SH3TC2: variants seen among roughly 807,000 people sequenced by gnomAD.
SH3TC2 encodes the protein SH3 domain and tetratricopeptide repeat-containing protein 2.
SH3TC2 carries 87 observed loss-of-function variants against 124.5 expected under a neutral mutation model. That is an observed-to-expected ratio of 0.70 (90% confidence interval 0.59 to 0.84). SH3TC2 has a LOEUF of 0.84. SH3TC2 is among the 40% of genes least tolerant of loss of function. SH3TC2 has a pLI of 0.00. For missense variants in SH3TC2, 1,536 were observed against 1,566.4 expected, an observed-to-expected ratio of 0.98 and a Z score of 0.33; for synonymous variants, 634 against 628.5, an observed-to-expected ratio of 1.01 and a Z score of -0.13.
intron 8 of SH3TC2, among the ~76,000 whole-genome samples, chr5:149,036,250 A>G (rs1754281299): frequency 6.6e-6 from 1 of 152,192 alleles, no homozygotes; most frequent in South Asian, 2.1e-4. Flanking sequence ...CCCTGACTCC[A>G]CAACTCTGTA....
At chr5:149,008,470 G>A in intron 15 of SH3TC2, 1 of 312,462 alleles carries the variant, frequency 3.2e-6, no homozygotes, top group Non-Finnish European at 6.1e-6. Context: ...TGGGAACATA[G>A]CTTATGAAGA....
rs1269879813 is a variant in SH3TC2 at position 148,991,791 on chromosome 5, C to G, written c.*12920G>C. On this transcript the variant is annotated 3_prime_UTR_variant, in exon 17 of 17. Transcript: ENST00000515425. Reference sequence around the variant, plus strand: ...CCTGCCCTGAATCACTCTATACTCACAACAGAAACAGCTGGTGTCAGAGAA... The same window carrying G: ...CCTGCCCTGAATCACTCTATACTCAGAACAGAAACAGCTGGTGTCAGAGAA... Among the ~76,000 whole-genome samples, 1 of 152,208 alleles carries G rather than the reference C, an allele frequency of 6.6e-6. No homozygotes were observed. The highest frequency in any genetic ancestry group is 1.5e-5 in the Non-Finnish European group (1 of 68,046).
rs1753376940 is a variant in SH3TC2 at position 148,988,807 on chromosome 5, T to C, written c.*15904A>G. On this transcript the variant is annotated 3_prime_UTR_variant, in exon 17 of 17. Coordinates refer to ENST00000515425, the MANE Select transcript of SH3TC2 (RefSeq NM_024577.4). ...ATAAGCTGTTTTAAATCAGAAACTTTTGGGGTGGTTTGTTATGTCACTTGT... is the reference window on the plus strand; with the variant it reads ...ATAAGCTGTTTTAAATCAGAAACTTCTGGGGTGGTTTGTTATGTCACTTGT... 6.6e-6 allele frequency among the ~76,000 whole-genome samples: 1 copy of C among 152,190 alleles called. No individual in the cohort carries two copies. Among genetic ancestry groups the C allele is most frequent in the African/African-American group, 2.4e-5 (1 of 41,444 alleles).
In SH3TC2 at chr5:149,031,678, G is replaced by A. The variant is rs1754196051; in HGVS notation, c.1011C>T (p.Asn337=). 6.2e-7 allele frequency: 1 copy of A among 1,614,114 alleles called. No individual in the cohort carries two copies. The highest frequency in any genetic ancestry group is 8.5e-7 in the Non-Finnish European group (1 of 1,180,026). ...DPDSYSPMSR[N]SAFLSDEERC... is the part of the protein sequence containing the mutation. ...TCTCCTCATCACTGAGAAAGGCAGA[G>A]TTCCTGCTCCTGCATCGGGGCAAAA... The change falls in exon 9 of 17, where the codon AAC becomes AAT. Residue 337 remains asparagine (N), a synonymous_variant. Transcript: ENST00000515425.
intron 7 of SH3TC2, among the ~76,000 whole-genome samples, chr5:149,038,802 G>A (rs958473007): frequency 2.6e-5 from 4 of 152,180 alleles, no homozygotes; most frequent in African/African-American, 4.8e-5. Context: ...TAGCTTATGG[G>A]AAACTGGAAA....
At chr5:149,031,429 G>T in intron 9 of SH3TC2, 125 bp downstream of exon 9, 1 of 1,266,966 alleles carries the variant, frequency 7.9e-7, no homozygotes, top group Non-Finnish European at 1.1e-6. Context: ...CAACAGAATA[G>T]TGGTCATGGC....
intron 8 of SH3TC2, among the ~76,000 whole-genome samples, chr5:149,034,702 T>G (rs1484589633): frequency 6.6e-6 from 1 of 151,730 alleles, no homozygotes; most frequent in Non-Finnish European, 1.5e-5. Context: ...ATTAATGAAA[T>G]AAAAACAAAG....
chr5:149,028,371 A>G lies in SH3TC2; in HGVS notation c.1361T>C (p.Met454Thr). Residue 454 changes from methionine (M) to threonine (T), a missense_variant, in exon 11 of 17, where the codon ATG (methionine) becomes ACG (threonine). Physicochemically the swap from Met to Thr is moderately conservative, Grantham distance 81 (BLOSUM62 -1). Transcript: ENST00000515425. ...PDDLDDPELL[M>T]DLSTGQEEEA... ...CTCCTCCTGACCAGTGCTTAGGTCC[A>G]TGAGCAGTTCCGGGTCATCAAGGTC... 1 of 1,614,194 alleles carries G rather than the reference A, an allele frequency of 6.2e-7. No homozygotes were observed. The highest frequency in any genetic ancestry group is 8.5e-7 in the Non-Finnish European group (1 of 1,180,038).
chr5:149,026,451 C>G, intron 12 of SH3TC2, 121 bp downstream of exon 12: 1 of 1,226,052 alleles, frequency 8.2e-7, no homozygotes, highest in South Asian at 1.3e-5. Context: ...AGAGCCCTTG[C>G]TCTTTTGCAC....
intron 15 of SH3TC2, chr5:149,008,229 A>T (rs1265246949): frequency 6.3e-6 from 1 of 159,214 alleles, no homozygotes; most frequent in Non-Finnish European, 1.4e-5. Flanking sequence ...TTTTCTTCAA[A>T]CACCAACATT....
At chr5:149,052,286 T>G in intron 1 of SH3TC2, 46 bp from the exon 2 acceptor site, 1 of 1,438,762 alleles carries the variant, frequency 7.0e-7, no homozygotes, top group Non-Finnish European at 9.8e-7. Context: ...GTAAGGAAGT[T>G]GAAAGCAAGT....
intron 12 of SH3TC2, among the ~76,000 whole-genome samples, chr5:149,023,348 AAT>A (rs1160701636): frequency 6.6e-6 from 1 of 152,196 alleles, no homozygotes; most frequent in Non-Finnish European, 1.5e-5. Context: ...TATATTATGT[AAT>A]AGACATTTTA....
At chr5:149,020,004 C>A (rs1753941079) in intron 12 of SH3TC2, among the ~76,000 whole-genome samples, 1 of 152,094 alleles carries the variant, frequency 6.6e-6, no homozygotes. Flanking sequence ...TCACTCAGCG[C>A]AGAACAGCCT....
In SH3TC2 at chr5:149,042,833, G is replaced by A. The variant is rs776623792; in HGVS notation, c.390C>T (p.Tyr130=). The A allele has an allele frequency of 1.6e-5, 26 of 1,613,960 alleles. No homozygotes were observed. The Admixed American group carries it at 2.0e-4, about 12-fold the overall frequency. ...GGAGATGTTCTAGACACATGGATAC[G>A]TAGCCTAAGAAGTCAAGCCAACAAG... The part of the protein sequence containing the change: ...WKFSTYLNLG[Y]VSMCLEHLLF... Residue 130 remains tyrosine, a synonymous_variant, in exon 5 of 17, where the codon TAC becomes TAT. Coordinates refer to ENST00000515425, the MANE Select transcript of SH3TC2 (RefSeq NM_024577.4).
At chr5:149,016,025 GC>G (rs1753867740) in intron 12 of SH3TC2, among the ~76,000 whole-genome samples, 1 of 152,142 alleles carries the variant, frequency 6.6e-6, no homozygotes, top group African/African-American at 2.4e-5. Context: ...CATTTCTAAA[GC>G]CTTATTTTGA....
At chr5:149,055,537 G>A (rs188501776) in intron 1 of SH3TC2, among the ~76,000 whole-genome samples, 182 of 152,046 alleles carry the variant, frequency 1.2e-3, no homozygotes, top group Non-Finnish European at 1.4e-3. Context: ...TGAGGATATA[G>A]AGCAAGTAGA....
At chr5:149,024,372 T>C (rs1001516922) in intron 12 of SH3TC2, among the ~76,000 whole-genome samples, 1 of 152,232 alleles carries the variant, frequency 6.6e-6, no homozygotes, top group African/African-American at 2.4e-5. Flanking sequence ...CAAGACCTTC[T>C]GAACATACTA....
At position 149,027,905 on chromosome 5, in the gene SH3TC2, G is replaced by T. The variant is rs373737817; in HGVS notation, c.1827C>A (p.Ala609=). 4 of 1,613,898 alleles carry T rather than the reference G, an allele frequency of 2.5e-6. No individual in the cohort carries two copies. The highest frequency in any genetic ancestry group is 3.4e-6 in the Non-Finnish European group (4 of 1,180,042). The change falls in exon 11 of 17, where the codon GCC becomes GCA. Residue 609 remains alanine, a synonymous_variant. Transcript: ENST00000515425. The part of the protein sequence containing the change: ...LACLPDRESS[A]KHELDVVAYV... The stretch of plus-strand genomic sequence containing the variant: ...AGGCCACCACGTCGAGTTCATGCTT[G>T]GCACTAGACTCACGGTCAGGCAGGC...
At chr5:149,062,181 C>T in intron 1 of SH3TC2, 1 of 393,702 alleles carries the variant, frequency 2.5e-6, no homozygotes, top group Non-Finnish European at 5.0e-6. Context: ...GCAATGTTCC[C>T]CTATCTCCCA....
Sources: allele counts gnomAD v4.1 joint callset (sites outside exome capture counted in the v4.1 genomes callset), GRCh38; gene constraint gnomAD v4.1.1; transcripts MANE v1.5; gene names NCBI Gene and HGNC (gene_info 2026-07-23, HGNC 2026-07-21).